The following SYN3 variants were observed in gnomAD, a reference collection of about 807,000 sequenced individuals.
The protein encoded by SYN3 is synapsin-3.
In SYN3, 35 loss-of-function variants were observed where a neutral mutation model predicts 65.8. The ratio of observed to expected loss-of-function variants is 0.53; its 90% CI spans 0.41 to 0.70. The LOEUF (loss-of-function observed/expected upper bound fraction) is 0.70, where lower values mean the gene tolerates loss of function less well. Ranked by LOEUF, SYN3 falls within the 30% of genes least tolerant of loss-of-function variation. SYN3 has a pLI of 0.00. For missense variants in SYN3, 680 were observed against 749.0 expected (o/e 0.91, Z 1.08); for synonymous variants, 270 against 292.9 (o/e 0.92, Z 0.80).
At chr22:32,548,927 C>T (rs1303446651) in intron 7 of SYN3, among the ~76,000 whole-genome samples, 1 of 152,124 alleles carries the variant, frequency 6.6e-6, no homozygotes, top group Non-Finnish European at 1.5e-5. Context: ...TTTATAGCTC[C>T]ACCTTAAGCC....
chr22:33,030,106 G>T (rs2053722196), intron 1 of SYN3, among the ~76,000 whole-genome samples: 1 of 152,154 alleles, frequency 6.6e-6, no homozygotes, highest in Non-Finnish European at 1.5e-5. Context: ...TGGGGGAAAG[G>T]TACCAAGTCT....
rs376129860 is a variant in SYN3 at position 32,951,427 on chromosome 22, C to T, written c.370-19946G>A. The stretch of plus-strand genomic sequence containing the variant: ...TTCTTCCCTAAAGCACTCATCCCTA[C>T]GTGACATAAAGATTTACGTCCATCT... On this transcript the variant is annotated intron_variant, in intron 3 of 13. Transcript: ENST00000358763. Among the ~76,000 whole-genome samples, 477 of 152,304 alleles carry T rather than the reference C, an allele frequency of 3.1e-3. 1 individual carries two copies. The highest frequency in any genetic ancestry group is 6.8e-3 in the Middle Eastern group (2 of 294).
At chr22:32,812,599 T>C (rs188083476) in intron 6 of SYN3, among the ~76,000 whole-genome samples, 7 of 152,288 alleles carry the variant, frequency 4.6e-5, no homozygotes, top group Admixed American at 4.6e-4. Context: ...AATAAGGCTT[T>C]CCTTATCCAC....
At chr22:32,610,488 A>G (rs1288610410) in intron 6 of SYN3, among the ~76,000 whole-genome samples, 1 of 152,082 alleles carries the variant, frequency 6.6e-6, no homozygotes, top group East Asian at 1.9e-4. Context: ...AGATTTCCCT[A>G]TTCTGGACAT....
At chr22:32,861,856 T>C (rs1018888649) in intron 6 of SYN3, 1 of 152,690 alleles carries the variant, frequency 6.5e-6, no homozygotes, top group African/African-American at 2.4e-5. Flanking sequence ...AATCATATCA[T>C]GAACATTTTA....
At chr22:32,585,931 C>T (rs1371788516) in intron 7 of SYN3, among the ~76,000 whole-genome samples, 1 of 68,112 alleles carries the variant, frequency 1.5e-5, no homozygotes, top group African/African-American at 4.3e-5. Flanking sequence ...TGTGTATATA[C>T]GTATATGTGT....
chr22:32,725,589 A>C (rs1259609233), intron 6 of SYN3, among the ~76,000 whole-genome samples: 3 of 152,120 alleles, frequency 2.0e-5, no homozygotes, highest in Non-Finnish European at 4.4e-5. Flanking sequence ...GAAGAGTCAG[A>C]GTGAGAGGAG....
chr22:32,622,540 G>C (rs948072780), intron 6 of SYN3, among the ~76,000 whole-genome samples: 6 of 151,938 alleles, frequency 3.9e-5, no homozygotes, highest in Non-Finnish European at 5.9e-5. Flanking sequence ...GGGCAGCTGA[G>C]GGGGAGGCCC....
At chr22:32,756,046 G>C (rs2045279230) in intron 6 of SYN3, among the ~76,000 whole-genome samples, 1 of 146,042 alleles carries the variant, frequency 6.8e-6, no homozygotes, top group Non-Finnish European at 1.5e-5. Flanking sequence ...ACAGGGAGAG[G>C]AACATCACAC....
At chr22:32,813,956 A>T (rs146093746) in intron 6 of SYN3, among the ~76,000 whole-genome samples, 1 of 152,124 alleles carries the variant, frequency 6.6e-6, no homozygotes, top group Admixed American at 6.5e-5. Flanking sequence ...CCATCATATT[A>T]TTACTACATG....
At chr22:32,524,765 C>T (rs1439450275) in intron 12 of SYN3, among the ~76,000 whole-genome samples, 1 of 152,136 alleles carries the variant, frequency 6.6e-6, no homozygotes, top group Non-Finnish European at 1.5e-5. Flanking sequence ...AATCCCAGCA[C>T]TTTGGGAGGC....
In SYN3 at chr22:32,661,553, G is replaced by A. The variant is rs373177009; in HGVS notation, c.712-64817C>T. On this transcript the variant is annotated intron_variant, in intron 6 of 13. Coordinates refer to ENST00000358763, the MANE Select transcript of SYN3 (RefSeq NM_003490.4). ...CTTTCTTTTTTGCCCTCCCCTTGGCGGCATTGTGCAACAGCAGGGCTGCCC... is the reference window on the plus strand; with the variant it reads ...CTTTCTTTTTTGCCCTCCCCTTGGCAGCATTGTGCAACAGCAGGGCTGCCC... Among the ~76,000 whole-genome samples the A allele has an allele frequency of 1.7e-3, 262 of 151,732 alleles. 1 individual carries two copies. In the South Asian group the frequency reaches 0.019, roughly 11 times the overall value.
intron 4 of SYN3, among the ~76,000 whole-genome samples, chr22:32,877,727 G>T (rs533734140): frequency 6.6e-6 from 1 of 151,870 alleles, no homozygotes; most frequent in South Asian, 2.1e-4. Flanking sequence ...ACCTTGCCTC[G>T]AAGACACCCT....
rs189448135 is a variant in SYN3 at position 32,616,375 on chromosome 22, T to C, written c.712-19639A>G. ...TAGGGCCTTATGCTAAGGACGGACA[T>C]GTCTCTGGCTGAGGGGCCCCTTTGA... is the stretch of plus-strand genomic sequence containing the variant. On this transcript the variant is annotated intron_variant, in intron 6 of 13. Transcript: ENST00000358763. 3.5e-4 allele frequency among the ~76,000 whole-genome samples: 53 copies of C among 152,224 alleles called. 1 individual carries two copies. The highest frequency in any genetic ancestry group is 1.5e-4 in the Non-Finnish European group (10 of 68,002).
At position 32,546,592 on chromosome 22, in the gene SYN3, G is replaced by A. The variant is rs2058339371; in HGVS notation, c.775-4879C>T. Among the ~76,000 whole-genome samples, 3 of 152,146 alleles carry A rather than the reference G, an allele frequency of 2.0e-5. No homozygotes were observed. In the South Asian group the frequency reaches 6.2e-4, roughly 32 times the overall value. On this transcript the variant is annotated intron_variant, in intron 7 of 13. Coordinates refer to ENST00000358763, the MANE Select transcript of SYN3 (RefSeq NM_003490.4). ...TGGGATGGTCCTCAGGCCAGAGAGG[G>A]TAGTTGGGGTGAGAGGGCACTGGGG...
At chr22:32,554,617 C>T (rs879680944) in intron 7 of SYN3, among the ~76,000 whole-genome samples, 5 of 152,168 alleles carry the variant, frequency 3.3e-5, no homozygotes, top group Admixed American at 6.5e-5. Flanking sequence ...GCTCGTACCC[C>T]TGCTTTCTTT....
At chr22:32,526,857 C>T (rs1434697614) in intron 12 of SYN3, among the ~76,000 whole-genome samples, 5 of 152,142 alleles carry the variant, frequency 3.3e-5, no homozygotes, top group East Asian at 1.9e-4. Flanking sequence ...AAGATTGCAG[C>T]GAGACTGCCT....
intron 4 of SYN3, among the ~76,000 whole-genome samples, chr22:32,910,422 A>C (rs2050022143): frequency 6.6e-6 from 1 of 151,976 alleles, no homozygotes; most frequent in Non-Finnish European, 1.5e-5. Context: ...ACATGACATG[A>C]TGGATGATCT....
intron 6 of SYN3, among the ~76,000 whole-genome samples, chr22:32,838,938 GA>G (rs781094697): frequency 6.6e-6 from 1 of 151,552 alleles, no homozygotes; most frequent in Non-Finnish European, 1.5e-5. Context: ...AATCATTAAA[GA>G]ACACGTGCTG....
Sources: gnomAD v4.1 joint callset for allele counts (sites outside exome capture counted in the v4.1 genomes callset) on GRCh38, gnomAD v4.1.1 for gene constraint, MANE v1.5 for transcripts, NCBI Gene and HGNC (gene_info 2026-07-23, HGNC 2026-07-21) for gene names.